SCAMP1: variants seen among roughly 807,000 people sequenced by gnomAD.
SCAMP1 encodes secretory carrier membrane protein 1.
Under a neutral mutation model 41.8 loss-of-function variants are expected in SCAMP1, and 15 were observed. The observed-to-expected ratio is 0.36, with a 90% CI of 0.24 to 0.55. The LOEUF (loss-of-function observed/expected upper bound fraction) is 0.55. Among genes scored for constraint, SCAMP1 ranks in the 20% least tolerant of loss-of-function variants. The pLI, the probability that SCAMP1 is intolerant of heterozygous loss-of-function variation, is 0.86. For synonymous variants in SCAMP1, 135 were observed against 136.8 expected (o/e 0.99, Z 0.09); for missense variants, 341 against 412.6 (o/e 0.83, Z 1.50).
At chr5:78,365,243 G>A (rs1750764069) in intron 1 of SCAMP1, among the ~76,000 whole-genome samples, 1 of 151,992 alleles carries the variant, frequency 6.6e-6, no homozygotes, top group African/African-American at 2.4e-5. Flanking sequence ...GGGAGGCTGA[G>A]GCGGGCGAAT....
At chr5:78,475,395 T>C (rs1450235474) in intron 8 of SCAMP1, 109 bp from the exon 9 acceptor site, 3 of 681,134 alleles carry the variant, frequency 4.4e-6, no homozygotes, top group Non-Finnish European at 6.7e-6. Flanking sequence ...TTAGGAATCA[T>C]GACTACAATC....
intron 2 of SCAMP1, among the ~76,000 whole-genome samples, chr5:78,401,871 G>A (rs541818968): frequency 6.6e-6 from 1 of 151,916 alleles, no homozygotes; most frequent in African/African-American, 2.4e-5. Flanking sequence ...GCTTATTTTG[G>A]ATTTAATTTG....
chr5:78,412,054 G>A (rs1159833979), intron 2 of SCAMP1, among the ~76,000 whole-genome samples: 1 of 151,942 alleles, frequency 6.6e-6, no homozygotes, highest in East Asian at 1.9e-4. Context: ...TAAGCTGCCT[G>A]TTCAGAGTTT....
At chr5:78,415,875 TG>T (rs760740992) in intron 3 of SCAMP1, among the ~76,000 whole-genome samples, 46 of 152,222 alleles carry the variant, frequency 3.0e-4, no homozygotes, top group Non-Finnish European at 5.4e-4. Context: ...TTATTGCCTT[TG>T]GTCCCACTTT....
intron 8 of SCAMP1, among the ~76,000 whole-genome samples, chr5:78,464,830 C>G (rs1753704676): frequency 1.3e-5 from 2 of 152,182 alleles, no homozygotes; most frequent in South Asian, 4.1e-4. Context: ...ATTTTGTCCT[C>G]TCGGAGAATC....
chr5:78,416,575 G>T lies in SCAMP1; in HGVS notation c.269G>T (p.Arg90Leu). The change falls in exon 4 of 9, where the codon CGC (arginine) becomes CTC (leucine). Residue 90 changes from arginine (R) to leucine (L), a missense_variant. Transcript: ENST00000621999. ...TTGGCCCAAGCTGAACTTCTTAAGCGCCAGGAAGAACTAGAAAGAAAAGCC... is the reference window on the plus strand; with the variant it reads ...TTGGCCCAAGCTGAACTTCTTAAGCTCCAGGAAGAACTAGAAAGAAAAGCC... ...HALAQAELLK[R>L]QEELERKAAE... 6.3e-7 allele frequency: 1 copy of T among 1,598,318 alleles called. No individual in the cohort carries two copies.
At position 78,399,359 on chromosome 5, in the gene SCAMP1, T is replaced by C. The variant is rs115909639; in HGVS notation, c.135+10445T>C. Among the ~76,000 whole-genome samples, 1,515 of 152,346 alleles carry C rather than the reference T, an allele frequency of 9.9e-3. 12 individuals carry two copies. Among genetic ancestry groups the C allele is most frequent in the Middle Eastern group, 0.037 (11 of 294 alleles). On this transcript the variant is annotated intron_variant, in intron 2 of 8. Coordinates refer to ENST00000621999, the MANE Select transcript of SCAMP1 (RefSeq NM_004866.6). ...CAAGGAATAGACTGACTGGACCATA[T>C]GGTAACAGTATGTTTAGTTTTGTAA...
chr5:78,408,172 T>G (rs1751979914), intron 2 of SCAMP1, among the ~76,000 whole-genome samples: 1 of 152,164 alleles, frequency 6.6e-6, no homozygotes, highest in Admixed American at 6.6e-5. Context: ...TCTACATGGC[T>G]GAGGAGGCCT....
intron 6 of SCAMP1, among the ~76,000 whole-genome samples, chr5:78,442,867 G>A (rs570262331): frequency 1.3e-5 from 2 of 152,200 alleles, no homozygotes; most frequent in South Asian, 4.1e-4. Context: ...TGGAGATGAT[G>A]GAATTGAAAT....
At chr5:78,369,517 G>A (rs1249496773) in intron 1 of SCAMP1, among the ~76,000 whole-genome samples, 2 of 152,162 alleles carry the variant, frequency 1.3e-5, no homozygotes, top group Admixed American at 6.5e-5. Flanking sequence ...GATCACCATA[G>A]CAGACATAAT....
intron 1 of SCAMP1, among the ~76,000 whole-genome samples, chr5:78,381,348 A>G (rs1751201364): frequency 6.6e-6 from 1 of 152,196 alleles, no homozygotes; most frequent in South Asian, 2.1e-4. Context: ...AGAGGAAGCA[A>G]CGCAAAGGAA....
At chr5:78,451,379 C>T (rs896982239) in intron 7 of SCAMP1, among the ~76,000 whole-genome samples, 1 of 152,118 alleles carries the variant, frequency 6.6e-6, no homozygotes, top group Non-Finnish European at 1.5e-5. Flanking sequence ...AATATAAATA[C>T]CAAGATCTTG....
At chr5:78,380,505 AAATCAGTGTAGTCTT>A (rs1368261892) in intron 1 of SCAMP1, among the ~76,000 whole-genome samples, 1 of 152,218 alleles carries the variant, frequency 6.6e-6, no homozygotes, top group Non-Finnish European at 1.5e-5. Flanking sequence ...AGAAATGATT[AAATCAGTGTAGTCTT>A]AATGAGTGTT....
At chr5:78,362,354 A>C (rs1043688341) in intron 1 of SCAMP1, among the ~76,000 whole-genome samples, 2 of 152,190 alleles carry the variant, frequency 1.3e-5, no homozygotes, top group Non-Finnish European at 2.9e-5. Flanking sequence ...GGTTCATTTC[A>C]TATTAACTGG....
At chr5:78,393,580 A>T (rs1561258292) in intron 2 of SCAMP1, among the ~76,000 whole-genome samples, 1 of 152,246 alleles carries the variant, frequency 6.6e-6, no homozygotes, top group Non-Finnish European at 1.5e-5. Context: ...AGTGTCATGA[A>T]AGCCTCTTGA....
At chr5:78,375,871 T>A (rs1344914800) in intron 1 of SCAMP1, among the ~76,000 whole-genome samples, 1 of 152,198 alleles carries the variant, frequency 6.6e-6, no homozygotes, top group South Asian at 2.1e-4. Flanking sequence ...CCAATAGAAA[T>A]ATAATTTCTG....
At chr5:78,381,058 C>G (rs1026562622) in intron 1 of SCAMP1, among the ~76,000 whole-genome samples, 1 of 145,026 alleles carries the variant, frequency 6.9e-6, no homozygotes, top group Non-Finnish European at 1.5e-5. Context: ...AACAGCAAGA[C>G]TCCGTCTCAA....
chr5:78,453,944 A>G (rs1019797967), intron 7 of SCAMP1, among the ~76,000 whole-genome samples: 135 of 152,194 alleles, frequency 8.9e-4, no homozygotes, highest in African/African-American at 3.0e-3. Context: ...TTCTCTTTGA[A>G]GCAATTGTGA....
At chr5:78,379,548 T>A (rs549587935) in intron 1 of SCAMP1, among the ~76,000 whole-genome samples, 1 of 152,224 alleles carries the variant, frequency 6.6e-6, no homozygotes, top group Non-Finnish European at 1.5e-5. Flanking sequence ...GAGAAAATGA[T>A]TTTATCAAAT....
Sources: allele counts gnomAD v4.1 joint callset (sites outside exome capture counted in the v4.1 genomes callset), GRCh38; gene constraint gnomAD v4.1.1; transcripts MANE v1.5; gene names NCBI Gene and HGNC (gene_info 2026-07-23, HGNC 2026-07-21).